Variants in HSP90AA1 observed in about 807,000 individuals in gnomAD.
HSP90AA1 encodes the protein heat shock protein 90 alpha family class A member 1, also known as heat shock protein HSP 90-alpha.
In HSP90AA1, 18 loss-of-function variants were observed where a neutral mutation model predicts 73.3. The observed-to-expected ratio is 0.25, with a 90% CI of 0.17 to 0.36. HSP90AA1 has a LOEUF of 0.36. Ranked by LOEUF, HSP90AA1 falls within the 10% of genes least tolerant of loss-of-function variation. The pLI is 1.00. For missense variants in HSP90AA1, 704 were observed against 874.2 expected (o/e 0.81, Z 2.45); for synonymous variants, 477 against 296.9 (o/e 1.61, Z -6.24).
intron 2 of HSP90AA1, among the ~76,000 whole-genome samples, chr14:102,092,981 G>A (rs1043787190): frequency 2.0e-5 from 3 of 152,086 alleles, no homozygotes; most frequent in Non-Finnish European, 2.9e-5. Flanking sequence ...CTGGCCTCAC[G>A]TGATCCGCCT....
chr14:102,134,149 CAA>C (rs111867119), intron 1 of HSP90AA1, among the ~76,000 whole-genome samples: 104 of 138,892 alleles, frequency 7.5e-4, no homozygotes, highest in Admixed American at 8.0e-4. Context: ...AGACCTGTCT[CAA>C]AAAAAAAAAA....
At chr14:102,129,724 C>T (rs796994989) in intron 1 of HSP90AA1, among the ~76,000 whole-genome samples, 9 of 151,980 alleles carry the variant, frequency 5.9e-5, no homozygotes, top group African/African-American at 1.4e-4. Context: ...AGGCTGGTCT[C>T]GAACCCCTGA....
chr14:102,121,485 T>C (rs1443416250), intron 1 of HSP90AA1, among the ~76,000 whole-genome samples: 4 of 152,184 alleles, frequency 2.6e-5, no homozygotes, highest in Non-Finnish European at 5.9e-5. Context: ...AATGATCAAA[T>C]TGCCCTCCAA....
intron 1 of HSP90AA1, among the ~76,000 whole-genome samples, chr14:102,113,340 TTCTCTCTC>T (rs763909632): frequency 6.6e-6 from 1 of 150,424 alleles, no homozygotes; most frequent in Admixed American, 6.7e-5. Flanking sequence ...CTTGCTTGCT[TTCTCTCTC>T]TCTCTCTCTT....
At chr14:102,087,345 C>A (rs1267891215), upstream of HSP90AA1, among the ~76,000 whole-genome samples, 3 of 151,448 alleles carry the variant, frequency 2.0e-5, no homozygotes, top group East Asian at 3.9e-4. Context: ...GGTCCGGGCG[C>A]CTTCTGGGGC....
chr14:102,112,365 G>A (rs1427866768), intron 1 of HSP90AA1, among the ~76,000 whole-genome samples: 1 of 152,142 alleles, frequency 6.6e-6, no homozygotes, highest in African/African-American at 2.4e-5. Flanking sequence ...TAGTAGAGAT[G>A]GGGTTTCACC....
intron 9 of HSP90AA1, 42 bp downstream of exon 9, chr14:102,082,992 C>T (rs769787023): frequency 1.3e-6 from 2 of 1,588,750 alleles, no homozygotes; most frequent in East Asian, 2.2e-5. Context: ...CTTGAAAGCA[C>T]CTTAGAAGTA....
intron 1 of HSP90AA1, among the ~76,000 whole-genome samples, chr14:102,114,770 C>CG (rs922147625): frequency 3.3e-5 from 5 of 151,980 alleles, no homozygotes; most frequent in African/African-American, 1.2e-4. Flanking sequence ...GAGGCTGAGG[C>CG]GGGCAGATCG....
chr14:102,104,358 C>T (rs761935593), intron 1 of HSP90AA1, among the ~76,000 whole-genome samples: 8 of 151,910 alleles, frequency 5.3e-5, no homozygotes, highest in Non-Finnish European at 7.4e-5. Flanking sequence ...TACAGTCATG[C>T]GCCACCACGC....
At chr14:102,100,796 C>T (rs2049482941) in intron 2 of HSP90AA1, among the ~76,000 whole-genome samples, 1 of 152,132 alleles carries the variant, frequency 6.6e-6, no homozygotes, top group Non-Finnish European at 1.5e-5. Flanking sequence ...AGTTTAAATC[C>T]CTGCTCTGCT....
In HSP90AA1 at chr14:102,086,515, G is replaced by A. The variant is rs532321371; in HGVS notation, c.1-137C>T. ...TTAAGTAAACCGAAAATAGAAGGGCGGCTGACAAAGGATGACCTCATTTCG... is the reference window on the plus strand; with the variant it reads ...TTAAGTAAACCGAAAATAGAAGGGCAGCTGACAAAGGATGACCTCATTTCG... On this transcript the variant is annotated intron_variant, in intron 1 of 10. Transcript: ENST00000216281. 38 of 979,338 alleles carry A rather than the reference G, an allele frequency of 3.9e-5. No homozygotes were observed. In the South Asian group the frequency reaches 4.1e-4, roughly 11 times the overall value. 60.7% of individuals were successfully genotyped at this position (979,338 alleles called of 1,614,324 possible).
chr14:102,089,498 G>A (rs984195099), upstream of HSP90AA1, among the ~76,000 whole-genome samples: 2 of 152,140 alleles, frequency 1.3e-5, no homozygotes, highest in Admixed American at 6.5e-5. Flanking sequence ...CCATCAACAC[G>A]CCAGCCCCTG....
chr14:102,130,613 C>T (rs1184517845), intron 1 of HSP90AA1, among the ~76,000 whole-genome samples: 3 of 152,150 alleles, frequency 2.0e-5, no homozygotes, highest in African/African-American at 7.2e-5. Context: ...GATCCTTTGT[C>T]CATTCTCTTT....
rs529485322 is a variant in HSP90AA1, at chr14:102,085,197, G to A, written c.663+101C>T. 952 of 1,438,810 alleles carry A rather than the reference G, an allele frequency of 6.6e-4. 10 individuals are homozygous for A. In the South Asian group the frequency reaches 1.0e-2, roughly 15 times the overall value. 89.1% of individuals were successfully genotyped at this position (1,438,810 alleles called of 1,614,324 possible). On this transcript the variant is annotated intron_variant, in intron 4 of 10. Transcript: ENST00000216281. ...TAGGTAGTAGAGCTTAGGTTCCCCA[G>A]GCTTCAGACTAGTTGAACAGATCTA...
intron 1 of HSP90AA1, among the ~76,000 whole-genome samples, chr14:102,116,437 C>G (rs912369641): frequency 1.3e-5 from 2 of 152,166 alleles, no homozygotes; most frequent in Admixed American, 1.3e-4. Context: ...CCAGCCACAG[C>G]GGGGAGGTGC....
At chr14:102,096,356 C>G (rs1174160089) in intron 2 of HSP90AA1, among the ~76,000 whole-genome samples, 3 of 152,220 alleles carry the variant, frequency 2.0e-5, no homozygotes, top group African/African-American at 4.8e-5. Context: ...GCAGCAGATC[C>G]TGCTAAGTGC....
upstream of HSP90AA1, among the ~76,000 whole-genome samples, chr14:102,088,809 A>G (rs565680525): frequency 6.6e-6 from 1 of 152,106 alleles, no homozygotes; most frequent in African/African-American, 2.4e-5. Context: ...CCTCACTTGT[A>G]GGAACTTTTC....
chr14:102,128,714 T>C (rs995060301), intron 1 of HSP90AA1, among the ~76,000 whole-genome samples: 2 of 151,350 alleles, frequency 1.3e-5, no homozygotes, highest in African/African-American at 4.9e-5. Flanking sequence ...AGACAGTGAA[T>C]TGCTTGAACC....
At chr14:102,082,666 G>A (rs1473658040) in intron 9 of HSP90AA1, 2 of 568,358 alleles carry the variant, frequency 3.5e-6, no homozygotes, top group Admixed American at 3.0e-5. Context: ...CATCACCCAG[G>A]CTGGAGTGCA....
Sources: allele counts gnomAD v4.1 joint callset (sites outside exome capture counted in the v4.1 genomes callset), GRCh38; gene constraint gnomAD v4.1.1; transcripts MANE v1.5; gene names NCBI Gene and HGNC (gene_info 2026-07-23, HGNC 2026-07-21).